Variants in TDRP observed in about 807,000 individuals in gnomAD.
TDRP encodes testis development-related protein.
In TDRP, 12 loss-of-function variants were observed where a neutral mutation model predicts 10.5. That is an observed-to-expected ratio of 1.15 (90% confidence interval 0.73 to 1.86). The LOEUF (loss-of-function observed/expected upper bound fraction) is 1.86, where lower values mean the gene tolerates loss of function less well. Among genes scored for constraint, TDRP ranks in the 40% most tolerant of loss-of-function variants. TDRP has a pLI of 0.00. For synonymous variants in TDRP, 139 were observed against 95.4 expected, an observed-to-expected ratio of 1.46 and a Z score of -2.67; for missense variants, 353 against 229.2, an observed-to-expected ratio of 1.54 and a Z score of -3.49.
rs1335911497 is a variant in TDRP, at chr8:510,682, T to A, written c.109-16085A>T. 2.0e-5 allele frequency among the ~76,000 whole-genome samples: 3 copies of A among 152,220 alleles called. No homozygotes were observed. The East Asian group carries it at 5.8e-4, about 29-fold the overall frequency. ...AAGGTAAAATACAGACTTTCCTAGA[T>A]GAATAAATCTGAACTTCTTGTTAGC... is the stretch of plus-strand genomic sequence containing the variant. On this transcript the variant is annotated intron_variant, in intron 1 of 2. Coordinates refer to ENST00000324079, the MANE Select transcript of TDRP (RefSeq NM_001384899.1).
At chr8:531,971 G>A (rs1802211801) in intron 1 of TDRP, among the ~76,000 whole-genome samples, 2 of 152,182 alleles carry the variant, frequency 1.3e-5, no homozygotes, top group Admixed American at 6.5e-5. Context: ...AAAATCTCCT[G>A]ACTGTGATAC....
At chr8:544,377 C>G (rs911852621) in intron 1 of TDRP, among the ~76,000 whole-genome samples, 6 of 152,056 alleles carry the variant, frequency 3.9e-5, no homozygotes, top group Non-Finnish European at 8.8e-5. Context: ...CTGCAAGCGG[C>G]GAGAACGCCG....
intron 1 of TDRP, among the ~76,000 whole-genome samples, chr8:543,381 T>C (rs757937776): frequency 3.9e-5 from 6 of 152,094 alleles, no homozygotes; most frequent in African/African-American, 1.2e-4. Flanking sequence ...TGGGAGAACA[T>C]AGGAAGACTC....
rs577137504 is a variant in TDRP, at chr8:491,527, C to G, written c.*872G>C. 2.9e-5 allele frequency: 39 copies of G among 1,324,938 alleles called. No homozygotes were observed. The African/African-American group carries it at 3.0e-4, about 10-fold the overall frequency. 82.1% of individuals were successfully genotyped at this position (1,324,938 alleles called of 1,614,324 possible). ...CTAACACCAATCACAATAGGCATCT[C>G]GCTTTGCAAGAACAAACATATGAGC... On this transcript the variant is annotated 3_prime_UTR_variant, in exon 3 of 3. Coordinates refer to ENST00000324079, the MANE Select transcript of TDRP (RefSeq NM_001384899.1).
intron 1 of TDRP, among the ~76,000 whole-genome samples, chr8:533,391 G>C (rs765636919): frequency 3.1e-4 from 47 of 152,090 alleles, no homozygotes; most frequent in Admixed American, 3.9e-4. Flanking sequence ...GACAACCCTA[G>C]CTCAAAACTT....
intron 1 of TDRP, 145 bp from the exon 2 acceptor site, chr8:494,742 G>A: frequency 1.5e-6 from 1 of 671,314 alleles, no homozygotes. Context: ...TGCGCACATA[G>A]TTTACTCCCA....
intron 2 of TDRP, among the ~76,000 whole-genome samples, 200 bp downstream of exon 2, chr8:494,294 C>A (rs1363964850): frequency 6.6e-6 from 1 of 152,142 alleles, no homozygotes; most frequent in Admixed American, 6.5e-5. Context: ...TGGATGTTAA[C>A]TCCGAAGCAC....
chr8:538,293 T>C (rs1474122231), intron 1 of TDRP, among the ~76,000 whole-genome samples: 1 of 152,110 alleles, frequency 6.6e-6, no homozygotes, highest in African/African-American at 2.4e-5. Flanking sequence ...CAATCAGACA[T>C]CAAGGGTGAG....
In TDRP at chr8:509,451, G is replaced by A. The variant is rs571324142; in HGVS notation, c.109-14854C>T. Among the ~76,000 whole-genome samples, 7 of 152,290 alleles carry A rather than the reference G, an allele frequency of 4.6e-5. No homozygotes were observed. In the East Asian group the frequency reaches 5.8e-4, roughly 13 times the overall value. On this transcript the variant is annotated intron_variant, in intron 1 of 2. Transcript: ENST00000324079. ...CTCAATTCTTGACTTCGGTGCAGTC[G>A]TAGGACCAACACCAAGTGGAAGCAG...
chr8:497,316 A>T (rs1214932059), intron 1 of TDRP, among the ~76,000 whole-genome samples: 2 of 152,194 alleles, frequency 1.3e-5, no homozygotes, highest in African/African-American at 4.8e-5. Context: ...AACTTATCGG[A>T]AACTGGAGTA....
intron 1 of TDRP, among the ~76,000 whole-genome samples, chr8:530,903 C>G (rs759078773): frequency 1.3e-5 from 2 of 152,140 alleles, no homozygotes; most frequent in Non-Finnish European, 2.9e-5. Context: ...GCTGAGCTGT[C>G]CCGACCTCCA....
intron 1 of TDRP, among the ~76,000 whole-genome samples, chr8:533,947 T>G (rs1462437423): frequency 1.3e-5 from 2 of 152,198 alleles, no homozygotes; most frequent in East Asian, 3.8e-4. Context: ...AAATTAAAAG[T>G]ACACTGTCAT....
At chr8:505,668 G>A (rs1255706147) in intron 1 of TDRP, among the ~76,000 whole-genome samples, 1 of 152,218 alleles carries the variant, frequency 6.6e-6, no homozygotes. Flanking sequence ...AATGCCATCT[G>A]TCAGTGCTTC....
intron 1 of TDRP, among the ~76,000 whole-genome samples, chr8:525,201 TAG>T (rs980520751): frequency 2.0e-5 from 3 of 152,152 alleles, no homozygotes; most frequent in Admixed American, 2.0e-4. Flanking sequence ...ATTTTTACCC[TAG>T]ATTATCTGGC....
chr8:541,099 T>C (rs1017439098), intron 1 of TDRP, among the ~76,000 whole-genome samples: 2 of 152,236 alleles, frequency 1.3e-5, no homozygotes, highest in African/African-American at 2.4e-5. Flanking sequence ...TTTATGACTC[T>C]TCATGAATTT....
chr8:519,881 G>C (rs1563126037), intron 1 of TDRP, among the ~76,000 whole-genome samples: 1 of 152,312 alleles, frequency 6.6e-6, no homozygotes, highest in East Asian at 1.9e-4. Context: ...GTGGCCAGAG[G>C]TGTCTGATCC....
At chr8:530,634 A>C (rs1435250077) in intron 1 of TDRP, among the ~76,000 whole-genome samples, 1 of 152,168 alleles carries the variant, frequency 6.6e-6, no homozygotes, top group Admixed American at 6.5e-5. Flanking sequence ...AGTTGCTTGT[A>C]ATCTCTCGAT....
Position 490,533 on chromosome 8 carries a change from C to T in TDRP, c.*1866G>A, listed in dbSNP as rs1471683840. ...CACGTGATTTCCAGAGTTTCAAACACAGTGTTTACATTCCTGCGCAGCAAG... is the reference window on the plus strand; with the variant it reads ...CACGTGATTTCCAGAGTTTCAAACATAGTGTTTACATTCCTGCGCAGCAAG... On this transcript the variant is annotated 3_prime_UTR_variant, in exon 3 of 3. Transcript: ENST00000324079. 6.6e-6 allele frequency: 1 copy of T among 150,748 alleles called. No individual in the cohort carries two copies. Among genetic ancestry groups the T allele is most frequent in the East Asian group, 1.9e-4 (1 of 5,198 alleles). The allele number at this position is 150,748 out of a possible 1,614,324, so 9.3% of individuals were successfully genotyped here.
intron 1 of TDRP, among the ~76,000 whole-genome samples, chr8:515,526 T>C (rs1011694377): frequency 1.3e-4 from 20 of 152,156 alleles, no homozygotes; most frequent in Admixed American, 3.9e-4. Context: ...TTTTTGTCGA[T>C]CATCATGTCA....
Sources: allele counts gnomAD v4.1 joint callset (sites outside exome capture counted in the v4.1 genomes callset), GRCh38; gene constraint gnomAD v4.1.1; transcripts MANE v1.5; gene names NCBI Gene and HGNC (gene_info 2026-07-23, HGNC 2026-07-21).